DPP6: variants seen among roughly 807,000 people sequenced by gnomAD.
DPP6 encodes A-type potassium channel modulatory protein DPP6.
DPP6 carries 69 observed loss-of-function variants against 122.6 expected under a neutral mutation model. The ratio of observed to expected loss-of-function variants is 0.56; its 90% CI spans 0.46 to 0.69. The LOEUF is 0.69. Among genes scored for constraint, DPP6 ranks in the 30% least tolerant of loss-of-function variants. The pLI is 0.00. For synonymous variants in DPP6, 418 were observed against 433.1 expected (o/e 0.97, Z 0.43); for missense variants, 928 against 1,116.9 (o/e 0.83, Z 2.41).
intron 5 of DPP6, among the ~76,000 whole-genome samples, chr7:154,622,325 C>T (rs1003513319): frequency 4.6e-5 from 7 of 152,162 alleles, no homozygotes; most frequent in African/African-American, 1.2e-4. Flanking sequence ...AGATATGTGG[C>T]ATATGTGGAA....
At chr7:154,838,586 A>T (rs1319034061) in intron 16 of DPP6, 1 of 152,194 alleles carries the variant, frequency 6.6e-6, no homozygotes, top group Non-Finnish European at 1.5e-5. Context: ...GATGCCCAGG[A>T]CCGCAGCGGG....
Position 154,803,945 on chromosome 7 carries a change from G to C in DPP6, c.1489G>C (p.Gly497Arg). ...CAAGATCCTAGCCTACGATGAGAAG[G>C]GGAATAAGATGTGAGTGAGAACCAG... The part of the protein sequence containing the change: ...VTKILAYDEK[G>R]NKIYFLSTED... The change falls in exon 14 of 26, where the codon GGG (glycine) becomes CGG (arginine). Residue 497 changes from glycine to arginine, a missense_variant. By Grantham distance (125) the Gly-to-Arg change is moderately radical. Coordinates refer to ENST00000377770, the MANE Select transcript of DPP6 (RefSeq NM_130797.4). 1 of 1,613,676 alleles carries C rather than the reference G, an allele frequency of 6.2e-7. No individual in the cohort carries two copies. Among genetic ancestry groups the C allele is most frequent in the East Asian group, 2.2e-5 (1 of 44,868 alleles).
chr7:154,773,464 A>G (rs1587094685), intron 10 of DPP6, among the ~76,000 whole-genome samples: 1 of 152,204 alleles, frequency 6.6e-6, no homozygotes, highest in East Asian at 1.9e-4. Flanking sequence ...TTTCTAAATC[A>G]AAACAACTGA....
chr7:154,193,012 G>A lies in DPP6; in HGVS notation c.243+139949G>A, dbSNP rs537329936. ...TCAGTAAATAACATGTGGAGTTAAT[G>A]CTTCCTGTATACATGTAGACTTAGG... On this transcript the variant is annotated intron_variant, in intron 1 of 25. Coordinates refer to ENST00000377770, the MANE Select transcript of DPP6 (RefSeq NM_130797.4). 2.0e-5 allele frequency among the ~76,000 whole-genome samples: 3 copies of A among 152,354 alleles called. No individual in the cohort carries two copies. The South Asian group carries it at 6.2e-4, about 32-fold the overall frequency.
rs1264520408 is a variant in DPP6 at position 154,260,734 on chromosome 7, A to G, written c.244-185480A>G. Among the ~76,000 whole-genome samples, 3 of 147,296 alleles carry G rather than the reference A, an allele frequency of 2.0e-5. No homozygotes were observed. In the South Asian group the frequency reaches 6.3e-4, roughly 31 times the overall value. On this transcript the variant is annotated intron_variant, in intron 1 of 25. Coordinates refer to ENST00000377770, the MANE Select transcript of DPP6 (RefSeq NM_130797.4). ...TATTATGTATATATAAAATACATAT[A>G]TATGTATAATATATATATTATATAT...
chr7:154,443,713 G>A (rs534738466), intron 1 of DPP6, among the ~76,000 whole-genome samples: 25 of 151,220 alleles, frequency 1.7e-4, no homozygotes, highest in Admixed American at 5.3e-4. Flanking sequence ...TGGATACGTC[G>A]ACGAATGTGG....
intron 1 of DPP6, among the ~76,000 whole-genome samples, chr7:153,912,272 T>C (rs1800123573): frequency 6.6e-6 from 1 of 152,162 alleles, no homozygotes; most frequent in Non-Finnish European, 1.5e-5. Context: ...CATTGAAACA[T>C]ATACACACTC....
rs928694018 is a variant in DPP6 at position 154,483,264 on chromosome 7, G to A, written c.457+8227G>A. Among the ~76,000 whole-genome samples the A allele has an allele frequency of 5.9e-5, 9 of 152,170 alleles. No individual in the cohort carries two copies. The highest frequency in any genetic ancestry group is 5.9e-4 in the Admixed American group (9 of 15,282). ...GTAAATGAAAAACCACCCCACGGTG[G>A]CCACGCACCTCTTCCTGGCTCACAG... On this transcript the variant is annotated intron_variant, in intron 3 of 25. Coordinates refer to ENST00000377770, the MANE Select transcript of DPP6 (RefSeq NM_130797.4). This position sits in a 1 kb window ranked among gnomAD's most constrained non-coding sequence, Gnocchi z 8.1.
chr7:154,100,421 A>C, intron 1 of DPP6, among the ~76,000 whole-genome samples: 1 of 76,096 alleles, frequency 1.3e-5, no homozygotes, highest in Non-Finnish European at 2.4e-5. Context: ...CATGCAACAG[A>C]CTTTTCTGGA....
At chr7:154,653,705 A>G (rs2131004903) in intron 6 of DPP6, among the ~76,000 whole-genome samples, 1 of 152,278 alleles carries the variant, frequency 6.6e-6, no homozygotes, top group Admixed American at 6.5e-5. Context: ...ATCTCATTCC[A>G]TTTTAGAACA....
intron 7 of DPP6, 94 bp downstream of exon 7, chr7:154,669,535 G>A (rs1206260930): frequency 4.4e-6 from 6 of 1,371,258 alleles, no homozygotes; most frequent in Non-Finnish European, 5.7e-6. Context: ...CCTGTACATG[G>A]TGTTGTGTGT....
At chr7:154,332,346 ACAAGCGTG>A (rs1809022767) in intron 1 of DPP6, among the ~76,000 whole-genome samples, 1 of 152,212 alleles carries the variant, frequency 6.6e-6, no homozygotes, top group Non-Finnish European at 1.5e-5. Context: ...TGCTGGGATT[ACAAGCGTG>A]AGCCACCACA....
chr7:154,382,528 T>C (rs539963555), intron 1 of DPP6, among the ~76,000 whole-genome samples: 3 of 152,370 alleles, frequency 2.0e-5, no homozygotes, highest in African/African-American at 7.2e-5. Context: ...CCTTCATCAT[T>C]TTCCAATCCA....
chr7:153,911,088 T>C (rs1459312409), intron 1 of DPP6, among the ~76,000 whole-genome samples: 5 of 152,166 alleles, frequency 3.3e-5, no homozygotes, highest in African/African-American at 7.2e-5. Flanking sequence ...CCATATTTCT[T>C]ACTGAGACAC....
At chr7:154,524,860 C>G (rs1346652581) in intron 3 of DPP6, among the ~76,000 whole-genome samples, 3 of 152,112 alleles carry the variant, frequency 2.0e-5, no homozygotes. Flanking sequence ...AGTCACTTGT[C>G]TCCCCCACTG....
At chr7:154,378,591 AAGAG>A (rs150371811) in intron 1 of DPP6, among the ~76,000 whole-genome samples, 4 of 152,164 alleles carry the variant, frequency 2.6e-5, no homozygotes, top group African/African-American at 7.2e-5. Flanking sequence ...ACATGTCAGA[AAGAG>A]AGAGAGAAGA....
intron 1 of DPP6, among the ~76,000 whole-genome samples, chr7:154,012,249 A>C (rs1376814545): frequency 1.3e-5 from 2 of 152,218 alleles, no homozygotes; most frequent in Non-Finnish European, 2.9e-5. Context: ...CTTTAAAGAC[A>C]CTAATGATCA....
At chr7:153,978,603 C>A (rs572507511) in intron 1 of DPP6, among the ~76,000 whole-genome samples, 1 of 151,968 alleles carries the variant, frequency 6.6e-6, no homozygotes, top group African/African-American at 2.4e-5. Flanking sequence ...TTGCTTTTGG[C>A]GTTTTAGTCA....
At chr7:154,806,765 G>A (rs532520132) in intron 15 of DPP6, among the ~76,000 whole-genome samples, 2 of 152,168 alleles carry the variant, frequency 1.3e-5, no homozygotes, top group Non-Finnish European at 2.9e-5. Flanking sequence ...CCACAAGCAA[G>A]GATGCTGAAA....
Sources: allele counts gnomAD v4.1 joint callset (sites outside exome capture counted in the v4.1 genomes callset), GRCh38; gene constraint gnomAD v4.1.1; non-coding constraint Gnocchi (gnomAD v3.1); transcripts MANE v1.5; gene names NCBI Gene and HGNC (gene_info 2026-07-23, HGNC 2026-07-21).